Variants in CPLX2 observed in about 807,000 individuals in gnomAD.
CPLX2 encodes complexin-2.
Under a neutral mutation model 16.3 loss-of-function variants are expected in CPLX2, and 5 were observed. The ratio of observed to expected loss-of-function variants is 0.31; its 90% CI spans 0.16 to 0.64. The LOEUF (loss-of-function observed/expected upper bound fraction) is 0.64. Ranked by LOEUF, CPLX2 falls within the 30% of genes least tolerant of loss-of-function variation. The pLI is 0.79. For synonymous variants in CPLX2, 89 were observed against 73.2 expected (o/e 1.22, Z -1.10); for missense variants, 144 against 181.4 (o/e 0.79, Z 1.18).
At chr5:175,835,225 G>C (rs1758807387) in intron 2 of CPLX2, among the ~76,000 whole-genome samples, 1 of 152,186 alleles carries the variant, frequency 6.6e-6, no homozygotes, top group African/African-American at 2.4e-5. Context: ...GCCTGGAGCA[G>C]CTAAAACAAG....
At chr5:175,870,374 C>T (rs1820646), upstream of CPLX2, among the ~76,000 whole-genome samples, 89,085 of 151,936 alleles carry the variant, frequency 0.59, 26,789 homozygotes, top group East Asian at 0.82. Flanking sequence ...TTCTCCCTCA[C>T]TGGAACAAAA....
At chr5:175,818,931 G>C (rs565807021) in intron 2 of CPLX2, among the ~76,000 whole-genome samples, 1 of 152,016 alleles carries the variant, frequency 6.6e-6, no homozygotes, top group Non-Finnish European at 1.5e-5. Flanking sequence ...CCAAAGTGCT[G>C]GGATTACAGG....
chr5:175,871,415 GAGAGAGAGAGAGAGAGAC>G (rs1759594515), upstream of CPLX2: 8 of 102,358 alleles, frequency 7.8e-5, 2 homozygotes, highest in African/African-American at 2.1e-4. Context: ...AGAGAGGAGA[GAGAGAGAGAGAGAGAGAC>G]AGAGAGAGAG....
intron 1 of CPLX2, among the ~76,000 whole-genome samples, chr5:175,797,782 G>A (rs1463029312): frequency 6.6e-6 from 1 of 152,226 alleles, no homozygotes; most frequent in Admixed American, 6.5e-5. Context: ...GACCCAGACA[G>A]CAGGTTGCGA....
intron 2 of CPLX2, among the ~76,000 whole-genome samples, chr5:175,865,086 G>GCACA (rs1491118664): frequency 2.4e-4 from 17 of 71,074 alleles, no homozygotes; most frequent in African/African-American, 7.6e-4. Flanking sequence ...GCATGTGCGC[G>GCACA]CGCGCACACA....
intron 2 of CPLX2, among the ~76,000 whole-genome samples, chr5:175,827,922 A>C (rs1245669035): frequency 6.6e-6 from 1 of 152,206 alleles, no homozygotes; most frequent in African/African-American, 2.4e-5. Context: ...AGAAAGACCC[A>C]GACTCTGCCC....
chr5:175,824,161 G>A (rs1339801285), intron 2 of CPLX2, among the ~76,000 whole-genome samples: 2 of 152,056 alleles, frequency 1.3e-5, no homozygotes, highest in Admixed American at 6.5e-5. Context: ...TTTCCCTCTT[G>A]ACTTCAGTGG....
At chr5:175,826,277 C>G (rs1758613333) in intron 2 of CPLX2, among the ~76,000 whole-genome samples, 1 of 152,100 alleles carries the variant, frequency 6.6e-6, no homozygotes, top group Non-Finnish European at 1.5e-5. Flanking sequence ...TAGACAGATG[C>G]AAAGATGGGA....
At chr5:175,799,539 C>CATATATATATTTATATATATTTATAT (rs1227041477) in intron 1 of CPLX2, among the ~76,000 whole-genome samples, 9 of 72,264 alleles carry the variant, frequency 1.2e-4, no homozygotes, top group African/African-American at 2.8e-4. Context: ...TTGCAAATTT[C>CATATATATATTTATATATATTTATAT]ATATATATAT....
intron 1 of CPLX2, among the ~76,000 whole-genome samples, chr5:175,807,613 A>C (rs1368010770): frequency 2.0e-5 from 3 of 152,274 alleles, no homozygotes; most frequent in African/African-American, 7.2e-5. Context: ...CCCTGAGAGC[A>C]GGGATCATGC....
chr5:175,854,652 C>A (rs1232499621), intron 2 of CPLX2, among the ~76,000 whole-genome samples: 1 of 151,994 alleles, frequency 6.6e-6, no homozygotes, highest in Admixed American at 6.6e-5. Context: ...GAGACACTGC[C>A]CCATCTTCAA....
chr5:175,871,458 A>AGGGAGAGAGAGAGAGAGGGG (rs1554122146), upstream of CPLX2: 2 of 79,904 alleles, frequency 2.5e-5, no homozygotes, highest in Non-Finnish European at 5.6e-5. Flanking sequence ...AGAGAGAGAG[A>AGGGAGAGAGAGAGAGAGGGG]GAGAGAGAGA....
chr5:175,833,237 T>G (rs570374359), intron 2 of CPLX2, among the ~76,000 whole-genome samples: 1 of 152,208 alleles, frequency 6.6e-6, no homozygotes, highest in East Asian at 1.9e-4. Flanking sequence ...GCTTTGGGAT[T>G]TTTTGAAATC....
chr5:175,819,252 T>C (rs547959998), intron 2 of CPLX2, among the ~76,000 whole-genome samples: 2 of 152,122 alleles, frequency 1.3e-5, no homozygotes, highest in South Asian at 4.1e-4. Context: ...TTCTAGGGGG[T>C]TTATGCCAAG....
At position 175,872,556 on chromosome 5, in the gene CPLX2, G is replaced by T. The variant is rs1427271068; in HGVS notation, c.-89+851G>T. Among the ~76,000 whole-genome samples the T allele has an allele frequency of 1.3e-5, 2 of 152,078 alleles. No individual in the cohort carries two copies. Among genetic ancestry groups the T allele is most frequent in the Non-Finnish European group, 2.9e-5 (2 of 67,998 alleles). The stretch of plus-strand genomic sequence containing the variant: ...GGGGGTCCGGGAGAGGGGCGCCGGG[G>T]TTCCTGTCCTCTCTTCTGGCCGGGA... On this transcript the variant is annotated intron_variant, in intron 1 of 3. Transcript: ENST00000393745. This position sits in a 1 kb window ranked among gnomAD's most constrained non-coding sequence, Gnocchi z 5.0.
chr5:175,835,808 G>C (rs1248528595), intron 2 of CPLX2, among the ~76,000 whole-genome samples: 1 of 129,918 alleles, frequency 7.7e-6, no homozygotes, highest in Non-Finnish European at 1.5e-5. Context: ...GTGTGATCTT[G>C]GTTCACTGCA....
Position 175,799,554 on chromosome 5 carries a change from A to ATATTTATATT in CPLX2, c.-169+2773_-169+2774insTTATATTTAT, listed in dbSNP as rs1561766338. 9.6e-5 allele frequency among the ~76,000 whole-genome samples: 13 copies of ATATTTATATT among 135,198 alleles called. No individual in the cohort carries two copies. In the East Asian group the frequency reaches 1.6e-3, roughly 17 times the overall value. 88.7% of individuals were successfully genotyped at this position (135,198 alleles called of 152,430 possible). A position where few individuals can be genotyped will look rare whatever the true frequency, so the allele number is the denominator to read the frequency against. On this transcript the variant is annotated intron_variant, in intron 1 of 4. Transcript: ENST00000359546. Reference sequence around the variant, plus strand: ...TTGCAAATTTCATATATATATATATATATATATATATATATATATATAGTA... The same window carrying ATATTTATATT: ...TTGCAAATTTCATATATATATATATATATTTATATTTATATATATATATATATATATAGTA...
chr5:175,805,974 G>A (rs1018172123), intron 1 of CPLX2, among the ~76,000 whole-genome samples: 2 of 152,178 alleles, frequency 1.3e-5, no homozygotes, highest in African/African-American at 4.8e-5. Context: ...TCCTATCTTT[G>A]CCACCCCAAG....
chr5:175,843,345 C>T (rs1031246746), intron 2 of CPLX2, among the ~76,000 whole-genome samples: 7 of 152,236 alleles, frequency 4.6e-5, no homozygotes, highest in East Asian at 1.9e-4. Context: ...TGTGGTCTCA[C>T]GCATGCACAC....
Sources: gnomAD v4.1 joint callset for allele counts (sites outside exome capture counted in the v4.1 genomes callset) on GRCh38, gnomAD v4.1.1 for gene constraint, Gnocchi (gnomAD v3.1) non-coding constraint, MANE v1.5 for transcripts, NCBI Gene and HGNC (gene_info 2026-07-23, HGNC 2026-07-21) for gene names.